CUX2: variants seen among roughly 807,000 people sequenced by gnomAD.
The protein encoded by CUX2 is homeobox protein cut-like 2.
CUX2 carries 40 observed loss-of-function variants against 144.8 expected under a neutral mutation model. That is an observed-to-expected ratio of 0.28 (90% CI 0.21 to 0.36). The LOEUF is 0.36. Ranked by LOEUF, CUX2 falls within the 10% of genes least tolerant of loss-of-function variation. CUX2 has a pLI of 1.00. For synonymous variants in CUX2, 827 were observed against 875.6 expected (o/e 0.94, Z 0.98); for missense variants, 1,615 against 1,994.0 (o/e 0.81, Z 3.62).
intron 1 of CUX2, among the ~76,000 whole-genome samples, chr12:111,157,432 C>T (rs919270651): frequency 2.0e-5 from 3 of 151,608 alleles, no homozygotes; most frequent in African/African-American, 7.3e-5. Flanking sequence ...GAGGATTTTC[C>T]TTGGGGAAGT....
At chr12:111,201,703 TGCATGCCA>T (rs1880609201) in intron 1 of CUX2, among the ~76,000 whole-genome samples, 1 of 152,202 alleles carries the variant, frequency 6.6e-6, no homozygotes, top group Non-Finnish European at 1.5e-5. Context: ...TTCTCAGCCC[TGCATGCCA>T]GAGAATTTTT....
chr12:111,137,548 T>G (rs1046018700), intron 1 of CUX2, among the ~76,000 whole-genome samples: 17 of 152,176 alleles, frequency 1.1e-4, no homozygotes, highest in African/African-American at 4.1e-4. Flanking sequence ...GGTCTTGTTC[T>G]GTCACCCAGG....
chr12:111,109,924 G>C lies in CUX2; in HGVS notation c.63+75684G>C, dbSNP rs370595773. ...AGGATCTCACTCTGTTGCCCAGGCT[G>C]GAGTTCAGTGGTACAATCATAGCTC... is the stretch of plus-strand genomic sequence containing the variant. On this transcript the variant is annotated intron_variant, in intron 1 of 21. Coordinates refer to ENST00000261726, the MANE Select transcript of CUX2 (RefSeq NM_015267.4). Among the ~76,000 whole-genome samples the C allele has an allele frequency of 3.5e-4, 54 of 152,240 alleles. 1 individual carries two copies. The South Asian group carries it at 9.4e-3, about 26-fold the overall frequency.
chr12:111,322,444 C>T lies in CUX2; in HGVS notation c.2790C>T (p.Ser930=). 5.1e-6 allele frequency: 8 copies of T among 1,567,996 alleles called. No homozygotes were observed. The highest frequency in any genetic ancestry group is 2.4e-5 in the East Asian group (1 of 42,482). ...GEKVLGLSQG[S]VSDMLSRPKP... ...AGGTGCTGGGCCTGTCACAGGGCAG[C>T]GTGAGCGACATGCTGTCCCGGCCGA... Residue 930 remains serine (S), a synonymous_variant, in exon 18 of 22, where the codon AGC becomes AGT. Coordinates refer to ENST00000261726, the MANE Select transcript of CUX2 (RefSeq NM_015267.4). The surrounding 1 kb of genome is among the most constrained non-coding windows in gnomAD (Gnocchi z 4.2).
At chr12:111,157,521 A>C (rs77451709) in intron 1 of CUX2, among the ~76,000 whole-genome samples, 1,613 of 152,212 alleles carry the variant, frequency 0.011, 27 homozygotes, top group African/African-American at 0.037. Flanking sequence ...GAATCAATGG[A>C]AAGGAGGAAG....
At chr12:111,288,064 G>A (rs1386609988) in intron 4 of CUX2, among the ~76,000 whole-genome samples, 1 of 152,176 alleles carries the variant, frequency 6.6e-6, no homozygotes, top group Admixed American at 6.5e-5. Flanking sequence ...GTGAAGGAAA[G>A]GTGTAGGCAG....
intron 3 of CUX2, among the ~76,000 whole-genome samples, chr12:111,249,828 C>T (rs1353956181): frequency 6.6e-6 from 1 of 152,048 alleles, no homozygotes; most frequent in Non-Finnish European, 1.5e-5. Context: ...AGGGAGTTAC[C>T]ATAGACTCCC....
intron 3 of CUX2, among the ~76,000 whole-genome samples, chr12:111,261,295 C>T (rs527792458): frequency 2.0e-5 from 3 of 152,156 alleles, no homozygotes; most frequent in Non-Finnish European, 4.4e-5. Flanking sequence ...TCCGTGGAGA[C>T]AGACTCTCAT....
At position 111,307,818 on chromosome 12, in the gene CUX2, A is replaced by G. The variant is rs1406764243; in HGVS notation, c.1110-467A>G. On this transcript the variant is annotated intron_variant, in intron 12 of 21. Transcript: ENST00000261726. The surrounding 1 kb of genome is among the most constrained non-coding windows in gnomAD (Gnocchi z 4.1). ...GCCGAAAGGGCAAAACCCTGTCTCT[A>G]CTAAAAATACAGAAATTAGCCAGGT... Among the ~76,000 whole-genome samples the G allele has an allele frequency of 6.6e-6, 1 of 152,190 alleles. No individual in the cohort carries two copies. Among genetic ancestry groups the G allele is most frequent in the Non-Finnish European group, 1.5e-5 (1 of 68,020 alleles).
Position 111,255,752 on chromosome 12 carries a change from CAG to C in CUX2, c.223-8006_223-8005del, listed in dbSNP as rs1883784312. Reference sequence around the variant, plus strand: ...CCAGTACATAGCACAGTGCCTGGCACAGAGTCAGTGCTCAGTAGTCACTGTTA... The same window carrying C: ...CCAGTACATAGCACAGTGCCTGGCACAGTCAGTGCTCAGTAGTCACTGTTA... On this transcript the variant is annotated intron_variant, in intron 3 of 21. Transcript: ENST00000261726. This position sits in a 1 kb window ranked among gnomAD's most constrained non-coding sequence, Gnocchi z 4.1. Among the ~76,000 whole-genome samples the C allele has an allele frequency of 6.6e-6, 1 of 152,224 alleles. No individual in the cohort carries two copies. Among genetic ancestry groups the C allele is most frequent in the Non-Finnish European group, 1.5e-5 (1 of 68,038 alleles).
intron 17 of CUX2, among the ~76,000 whole-genome samples, chr12:111,321,292 C>G (rs545087733): frequency 2.0e-5 from 3 of 152,194 alleles, no homozygotes; most frequent in Admixed American, 2.0e-4. Flanking sequence ...CATGGTGAAA[C>G]CCCATCTCTA....
rs112689877 is a variant in CUX2 at position 111,299,551 on chromosome 12, C to T, written c.753+962C>T. On this transcript the variant is annotated intron_variant, in intron 9 of 21. Coordinates refer to ENST00000261726, the MANE Select transcript of CUX2 (RefSeq NM_015267.4). Reference sequence around the variant, plus strand: ...CCCCTACCCCTATAGAAGCAGTGTCCCCTAGGAGGGTCGGGAAGGCCAAAG... The same window carrying T: ...CCCCTACCCCTATAGAAGCAGTGTCTCCTAGGAGGGTCGGGAAGGCCAAAG... Among the ~76,000 whole-genome samples the T allele has an allele frequency of 4.8e-3, 735 of 152,192 alleles. 8 individuals carry two copies. Among genetic ancestry groups the T allele is most frequent in the African/African-American group, 0.017 (691 of 41,512 alleles).
chr12:111,240,475 A>G (rs984876864), intron 3 of CUX2, among the ~76,000 whole-genome samples: 5 of 152,216 alleles, frequency 3.3e-5, no homozygotes, highest in Admixed American at 1.3e-4. Context: ...AAAATCAACC[A>G]GTTCTAAATA....
At chr12:111,048,850 G>T (rs1870123652) in intron 1 of CUX2, among the ~76,000 whole-genome samples, 1 of 152,124 alleles carries the variant, frequency 6.6e-6, no homozygotes, top group Non-Finnish European at 1.5e-5. Context: ...ATGTGGGCTG[G>T]AGTATGGAAT....
At chr12:111,228,983 A>G (rs1882323022) in intron 3 of CUX2, among the ~76,000 whole-genome samples, 1 of 152,200 alleles carries the variant, frequency 6.6e-6, no homozygotes. Flanking sequence ...CAGAGGTACA[A>G]ATGGCACTTC....
rs766216007 is a variant in CUX2 at position 111,246,755 on chromosome 12, C to G, written c.223-17006C>G. The stretch of plus-strand genomic sequence containing the variant: ...CCTCTCACCTTTGTATGCAACTGCT[C>G]TCCCTCCTGTTGAATCAACGGCCTG... On this transcript the variant is annotated intron_variant, in intron 3 of 21. Coordinates refer to ENST00000261726, the MANE Select transcript of CUX2 (RefSeq NM_015267.4). This position sits in a 1 kb window ranked among gnomAD's most constrained non-coding sequence, Gnocchi z 4.0. 6.6e-6 allele frequency among the ~76,000 whole-genome samples: 1 copy of G among 152,178 alleles called. No homozygotes were observed. Among genetic ancestry groups the G allele is most frequent in the Admixed American group, 6.5e-5 (1 of 15,276 alleles).
intron 18 of CUX2, among the ~76,000 whole-genome samples, chr12:111,331,559 CAGGAGGTGGAGGTGGTAG>C (rs1390693075): frequency 6.6e-6 from 1 of 151,858 alleles, no homozygotes; most frequent in Non-Finnish European, 1.5e-5. Context: ...TCTAATGCCC[CAGGAGGTGGAGGTGGTAG>C]AGGAGGTGGA....
chr12:111,161,111 G>T (rs921389115), intron 1 of CUX2, among the ~76,000 whole-genome samples: 6 of 152,084 alleles, frequency 3.9e-5, no homozygotes, highest in Admixed American at 3.9e-4. Flanking sequence ...TGGCTCAAAG[G>T]GCCAGCCCTT....
At chr12:111,331,435 TTC>T (rs1888117505) in intron 18 of CUX2, among the ~76,000 whole-genome samples, 2 of 152,114 alleles carry the variant, frequency 1.3e-5, no homozygotes, top group African/African-American at 2.4e-5. Flanking sequence ...AGTGCTGGGA[TTC>T]CTAGACCCCA....
Sources: gnomAD v4.1 joint callset for allele counts (sites outside exome capture counted in the v4.1 genomes callset) on GRCh38, gnomAD v4.1.1 for gene constraint, Gnocchi (gnomAD v3.1) non-coding constraint, MANE v1.5 for transcripts, NCBI Gene and HGNC (gene_info 2026-07-23, HGNC 2026-07-21) for gene names.